Variants in RAN observed in about 807,000 individuals in gnomAD.
The protein encoded by RAN is RAN, member RAS oncogene family, also known as GTP-binding nuclear protein Ran.
A neutral mutation model predicts 26.8 loss-of-function variants in RAN; 2 were observed. The ratio of observed to expected loss-of-function variants is 0.07; its 90% CI spans 0.03 to 0.23. The LOEUF is 0.23. Among genes scored for constraint, RAN ranks in the 10% least tolerant of loss-of-function variants. RAN has a pLI of 1.00. For missense variants in RAN, 56 were observed against 264.8 expected, an observed-to-expected ratio of 0.21 and a Z score of 5.47; for synonymous variants, 132 against 95.9, an observed-to-expected ratio of 1.38 and a Z score of -2.20.
At chr12:130,872,717 G>C in intron 2 of RAN, 88 bp downstream of exon 2, 1 of 1,556,568 alleles carries the variant, frequency 6.4e-7, no homozygotes, top group Non-Finnish European at 8.7e-7. Context: ...TGGCTGTAAT[G>C]GGGCCCCGCA....
intron 4 of RAN, chr12:130,873,695 C>T (rs1034708201): frequency 3.8e-5 from 6 of 158,016 alleles, no homozygotes; most frequent in Admixed American, 2.4e-4. Flanking sequence ...CTCACGTTGC[C>T]GATAACACAT....
chr12:130,874,434 G>A, intron 4 of RAN, 112 bp from the exon 5 acceptor site: 1 of 754,512 alleles, frequency 1.3e-6, no homozygotes, highest in Non-Finnish European at 2.1e-6. Flanking sequence ...AGAGATACAG[G>A]TGACTCGTTG....
intron 5 of RAN, 122 bp from the exon 6 acceptor site, chr12:130,875,490 T>TA: frequency 1.1e-6 from 1 of 910,322 alleles, no homozygotes; most frequent in East Asian, 2.7e-5. Context: ...GTGCTGGGAT[T>TA]ACAGGCATGA....
At chr12:130,873,541 T>C (rs1043696541) in intron 4 of RAN, 4 of 181,762 alleles carry the variant, frequency 2.2e-5, no homozygotes, top group Admixed American at 1.6e-4. Context: ...ACAAGTGTTA[T>C]ACAAGACTAG....
In RAN at chr12:130,874,203, AG is replaced by A. The variant is rs139252040; in HGVS notation, c.248-342del. The stretch of plus-strand genomic sequence containing the variant: ...TTTTCCAGTATAGCCAGCCATTTAA[AG>A]ACCTTCTGAAGAATGTGTTTCCAGG... On this transcript the variant is annotated intron_variant, in intron 4 of 6. Transcript: ENST00000543796. 1,206 of 237,724 alleles carry A rather than the reference AG, an allele frequency of 5.1e-3. 8 individuals carry two copies. The highest frequency in any genetic ancestry group is 0.026 in the African/African-American group (1,137 of 43,784). The allele number at this position is 237,724 out of a possible 1,614,324, so 14.7% of individuals were successfully genotyped here. A position where few individuals can be genotyped will look rare whatever the true frequency, so the allele number is the denominator to read the frequency against.
Position 130,874,550 on chromosome 12 carries a change from G to C in RAN, c.252G>C (p.Gln84His). ...GLRDGYYIQA[Q>H]CAIIMFDVTS... ...TTCCCACAAATGTTTCTTCAGCCCA[G>C]TGTGCCATCATAATGTTTGATGTAA... Residue 84 changes from glutamine to histidine, a missense_variant, in exon 5 of 7, where the codon CAG becomes CAC. Gln to His is a conservative substitution (Grantham distance 24). Transcript: ENST00000543796. 1 of 1,579,640 alleles carries C rather than the reference G, an allele frequency of 6.3e-7. No individual in the cohort carries two copies. The highest frequency in any genetic ancestry group is 8.7e-7 in the Non-Finnish European group (1 of 1,152,036).
In RAN at chr12:130,875,997, C is replaced by CG. The variant is rs1953232538; in HGVS notation, c.*72dup. The CG allele has an allele frequency of 3.4e-6, 5 of 1,474,870 alleles. No individual in the cohort carries two copies. In the Admixed American group the frequency reaches 8.4e-5, roughly 25 times the overall value. The allele number at this position is 1,474,870 out of a possible 1,614,324, so 91.4% of individuals were successfully genotyped here. ...CTGTCCTGTGATGTCAGCGGTGCAG[C>CG]GTGTGTGCCACCTCATTATTATCTA... On this transcript the variant is annotated 3_prime_UTR_variant, in exon 7 of 7. Transcript: ENST00000543796.
chr12:130,874,923 A>G (rs770327002), intron 5 of RAN, among the ~76,000 whole-genome samples, 190 bp downstream of exon 5: 3 of 152,058 alleles, frequency 2.0e-5, no homozygotes, highest in Non-Finnish European at 2.9e-5. Context: ...CCCGGGTTCA[A>G]GCAGTTTTGT....
At position 130,876,213 on chromosome 12, in the gene RAN, T is replaced by A. The variant is rs1953237615; in HGVS notation, c.*287T>A. On this transcript the variant is annotated 3_prime_UTR_variant, in exon 7 of 7. Coordinates refer to ENST00000543796, the MANE Select transcript of RAN (RefSeq NM_006325.5). ...CATCACAATATTCAGTGGTGAAATCTTGTTTGTTACTGTCATTCCCATTCC... is the reference window on the plus strand; with the variant it reads ...CATCACAATATTCAGTGGTGAAATCATGTTTGTTACTGTCATTCCCATTCC... The A allele has an allele frequency of 9.5e-6, 4 of 419,552 alleles. No individual in the cohort carries two copies. Among genetic ancestry groups the A allele is most frequent in the Non-Finnish European group, 1.7e-5 (4 of 233,974 alleles). 26.0% of individuals were successfully genotyped at this position (419,552 alleles called of 1,614,324 possible).
Position 130,877,453 on chromosome 12 carries a change from T to A in RAN, c.*1527T>A, listed in dbSNP as rs1191936052. The A allele has an allele frequency of 1.3e-5, 2 of 152,200 alleles. No homozygotes were observed. Among genetic ancestry groups the A allele is most frequent in the African/African-American group, 2.4e-5 (1 of 41,444 alleles). The allele number at this position is 152,200 out of a possible 1,614,324, so 9.4% of individuals were successfully genotyped here. On this transcript the variant is annotated 3_prime_UTR_variant, in exon 7 of 7. Coordinates refer to ENST00000543796, the MANE Select transcript of RAN (RefSeq NM_006325.5). ...TGTGAGATGGGAAGTTTTTTCCCCATAATTGGGATGAAACCTTTCATTCAG... is the reference window on the plus strand; with the variant it reads ...TGTGAGATGGGAAGTTTTTTCCCCAAAATTGGGATGAAACCTTTCATTCAG...
At chr12:130,872,656 G>A (rs765621760) in intron 2 of RAN, 27 bp downstream of exon 2, 5 of 1,521,622 alleles carry the variant, frequency 3.3e-6, no homozygotes, top group South Asian at 1.3e-5. Flanking sequence ...GGCGGGAGGC[G>A]GCCGAGCCCG....
chr12:130,874,359 A>C (rs1484221030), intron 4 of RAN, 187 bp from the exon 5 acceptor site: 5 of 531,942 alleles, frequency 9.4e-6, no homozygotes, highest in South Asian at 3.0e-5. Context: ...GGGTCAGCTC[A>C]TCTCTCTTAG....
rs920370262 is a variant in RAN, at chr12:130,872,938, T to G, written c.121+18T>G. The G allele has an allele frequency of 1.2e-6, 2 of 1,614,220 alleles. No individual in the cohort carries two copies. Among genetic ancestry groups the G allele is most frequent in the Middle Eastern group, 1.6e-4 (1 of 6,062 alleles). ...GTATGTAGGTATGTGCTGGAAAACC[T>G]TGCTTGTGGAAATATGTGAGAAATG... On this transcript the variant is annotated intron_variant, in intron 3 of 6. Transcript: ENST00000543796.
intron 2 of RAN, 85 bp from the exon 3 acceptor site, chr12:130,872,751 G>T (rs1215970438): frequency 1.9e-6 from 3 of 1,582,360 alleles, no homozygotes; most frequent in African/African-American, 2.7e-5. Flanking sequence ...TTTTAAGTGA[G>T]CCTGTGGTGG....
At chr12:130,872,717 G>A in intron 2 of RAN, 88 bp downstream of exon 2, 5 of 1,556,568 alleles carry the variant, frequency 3.2e-6, no homozygotes, top group Non-Finnish European at 4.4e-6. Context: ...TGGCTGTAAT[G>A]GGGCCCCGCA....
rs1216483620 is a variant in RAN, at chr12:130,872,102, A to T, written c.-35A>T. The T allele has an allele frequency of 3.2e-6, 1 of 316,006 alleles. No individual in the cohort carries two copies. Among genetic ancestry groups the T allele is most frequent in the South Asian group, 2.3e-5 (1 of 44,444 alleles). The allele number at this position is 316,006 out of a possible 1,614,324, so 19.6% of individuals were successfully genotyped here. The stretch of plus-strand genomic sequence containing the variant: ...CCGCCATCTTTCCAGCCTCAGTCGG[A>T]CGGGCGCGGAGACGCTTCTGGAAGG... On this transcript the variant is annotated 5_prime_UTR_variant, in exon 1 of 7. Coordinates refer to ENST00000543796, the MANE Select transcript of RAN (RefSeq NM_006325.5).
At chr12:130,873,301 AGTT>A in intron 4 of RAN, 173 bp downstream of exon 4, 1 of 806,028 alleles carries the variant, frequency 1.2e-6, no homozygotes, top group East Asian at 2.7e-5. Flanking sequence ...ATTTTATTAA[AGTT>A]GTGTCATTTG....
In RAN at chr12:130,874,769, T is replaced by C. The variant is rs191038625; in HGVS notation, c.435+36T>C. 9,223 of 1,526,450 alleles carry C rather than the reference T, an allele frequency of 6.0e-3. 41 individuals are homozygous for C. The highest frequency in any genetic ancestry group is 7.4e-3 in the Non-Finnish European group (8,173 of 1,108,944). The allele number at this position is 1,526,450 out of a possible 1,614,324, so 94.6% of individuals were successfully genotyped here. A position where few individuals can be genotyped will look rare whatever the true frequency, so the allele number is the denominator to read the frequency against. Reference sequence around the variant, plus strand: ...TTAAAACTTCCTGAGTTATTTCTCTTAGCGGAGATTATATGTAAGACCATG... The same window carrying C: ...TTAAAACTTCCTGAGTTATTTCTCTCAGCGGAGATTATATGTAAGACCATG... On this transcript the variant is annotated intron_variant, in intron 5 of 6. Transcript: ENST00000543796.
chr12:130,873,450 G>C, intron 4 of RAN: 1 of 297,260 alleles, frequency 3.4e-6, no homozygotes, highest in Non-Finnish European at 6.5e-6. Flanking sequence ...ATGTATTTTG[G>C]TGTGGTGATC....
Sources: allele counts gnomAD v4.1 joint callset (sites outside exome capture counted in the v4.1 genomes callset), GRCh38; gene constraint gnomAD v4.1.1; transcripts MANE v1.5; gene names NCBI Gene and HGNC (gene_info 2026-07-23, HGNC 2026-07-21).